The following LARGE1 variants were observed in gnomAD, a reference collection of about 807,000 sequenced individuals.
LARGE1 encodes LARGE xylosyl- and glucuronyltransferase 1, also known as xylosyl- and glucuronyltransferase LARGE1.
A neutral mutation model predicts 87.6 loss-of-function variants in LARGE1; 43 were observed. The ratio of observed to expected loss-of-function variants is 0.49; its 90% confidence interval spans 0.38 to 0.63. The LOEUF (loss-of-function observed/expected upper bound fraction) is 0.63. Ranked by LOEUF, LARGE1 falls within the 30% of genes least tolerant of loss-of-function variation. The pLI is 0.00. For synonymous variants in LARGE1, 434 were observed against 394.6 expected, an observed-to-expected ratio of 1.10 and a Z score of -1.18; for missense variants, 802 against 1,000.2, an observed-to-expected ratio of 0.80 and a Z score of 2.67.
intron 6 of LARGE1, among the ~76,000 whole-genome samples, chr22:33,520,520 C>T (rs111290194): frequency 6.6e-6 from 1 of 152,218 alleles, no homozygotes; most frequent in African/African-American, 2.4e-5. Context: ...CACAGCAGTG[C>T]TGAGCTGGGC....
chr22:33,518,560 C>T lies in LARGE1; in HGVS notation c.787+46288G>A, dbSNP rs1007695579. Among the ~76,000 whole-genome samples, 14 of 152,182 alleles carry T rather than the reference C, an allele frequency of 9.2e-5. No individual in the cohort carries two copies. The East Asian group carries it at 2.1e-3, about 23-fold the overall frequency. On this transcript the variant is annotated intron_variant, in intron 6 of 14. Transcript: ENST00000397394. The stretch of plus-strand genomic sequence containing the variant: ...CTGACCTCAGGTGTTGCGCTGGCCT[C>T]GGCCTCCCAAAAGGTTGGGATCACA...
chr22:33,389,743 G>A (rs1190269245), intron 7 of LARGE1, among the ~76,000 whole-genome samples: 1 of 152,124 alleles, frequency 6.6e-6, no homozygotes, highest in Non-Finnish European at 1.5e-5. Flanking sequence ...TACTTGGGAG[G>A]CTGAGGCAGG....
chr22:33,515,906 C>T (rs896172740), intron 6 of LARGE1, among the ~76,000 whole-genome samples: 5 of 152,278 alleles, frequency 3.3e-5, no homozygotes, highest in Non-Finnish European at 7.4e-5. Context: ...AAGAACACTC[C>T]CACCTGTGTA....
intron 6 of LARGE1, among the ~76,000 whole-genome samples, chr22:33,488,956 T>C (rs1222404897): frequency 1.3e-5 from 2 of 152,236 alleles, no homozygotes; most frequent in Admixed American, 1.3e-4. Flanking sequence ...GTCTTTGTCA[T>C]GACATATGAT....
At chr22:33,525,137 G>C (rs1018712627) in intron 6 of LARGE1, among the ~76,000 whole-genome samples, 1 of 152,184 alleles carries the variant, frequency 6.6e-6, no homozygotes, top group African/African-American at 2.4e-5. Context: ...TTAGGGCACG[G>C]AGGAAGGAGG....
chr22:33,831,138 C>T (rs1442865293), intron 1 of LARGE1, among the ~76,000 whole-genome samples: 1 of 146,370 alleles, frequency 6.8e-6, no homozygotes, highest in Non-Finnish European at 1.5e-5. Context: ...CGCTCTGTCG[C>T]CTAGCCTGGA....
intron 1 of LARGE1, among the ~76,000 whole-genome samples, chr22:33,863,769 G>GAA (rs397728698): frequency 5.7e-4 from 83 of 144,566 alleles, no homozygotes; most frequent in Non-Finnish European, 7.9e-4. Flanking sequence ...CTCTGTCTCA[G>GAA]AAAAAAAAAA....
At chr22:33,540,787 A>G (rs1398845072) in intron 6 of LARGE1, among the ~76,000 whole-genome samples, 1 of 151,996 alleles carries the variant, frequency 6.6e-6, no homozygotes, top group Admixed American at 6.6e-5. Context: ...TATAACTTAA[A>G]GGCAGTGTTG....
chr22:33,481,340 T>A (rs576605629), intron 6 of LARGE1, among the ~76,000 whole-genome samples: 27 of 152,264 alleles, frequency 1.8e-4, no homozygotes, highest in Admixed American at 7.2e-4. Context: ...GAGTTTTTTT[T>A]ATGTGTTAAA....
intron 6 of LARGE1, among the ~76,000 whole-genome samples, chr22:33,436,939 T>A (rs1459707758): frequency 6.6e-6 from 1 of 151,740 alleles, no homozygotes; most frequent in Non-Finnish European, 1.5e-5. Context: ...TTCACCTTTA[T>A]CAGTAAAATA....
chr22:33,634,931 A>G (rs963528566), intron 3 of LARGE1, among the ~76,000 whole-genome samples: 1 of 152,058 alleles, frequency 6.6e-6, no homozygotes, highest in Non-Finnish European at 1.5e-5. Context: ...AGCCTGGCCA[A>G]CATGGTGAAA....
the LARGE1 span, among the ~76,000 whole-genome samples, chr22:33,071,295 C>T: frequency 5.6e-4 from 85 of 152,278 alleles, 1 homozygote; most frequent in Admixed American, 1.6e-3. Context: ...TATGGGTTGC[C>T]TTTAAGAAAT....
chr22:33,072,944 T>C, the LARGE1 span, among the ~76,000 whole-genome samples: 3 of 152,198 alleles, frequency 2.0e-5, no homozygotes, highest in South Asian at 2.1e-4. Flanking sequence ...CACCTGTTAA[T>C]AATGCTCAGC....
In LARGE1 at chr22:33,494,166, C is replaced by A. The variant is rs117795350; in HGVS notation, c.788-61901G>T. On this transcript the variant is annotated intron_variant, in intron 6 of 14. Transcript: ENST00000397394. ...TGTATAAAGCTGTGCTGAGAGAAAG[C>A]TTTGCATATGGTCTTTGATGAGCTC... Among the ~76,000 whole-genome samples, 472 of 152,306 alleles carry A rather than the reference C, an allele frequency of 3.1e-3. 2 individuals carry two copies. Among genetic ancestry groups the A allele is most frequent in the African/African-American group, 8.1e-3 (335 of 41,574 alleles).
intron 6 of LARGE1, among the ~76,000 whole-genome samples, chr22:33,526,123 A>G (rs1419845323): frequency 2.6e-5 from 4 of 152,238 alleles, no homozygotes; most frequent in African/African-American, 9.6e-5. Context: ...CTACAGACAT[A>G]TGCTACAATA....
chr22:33,506,857 C>T (rs530505599), intron 6 of LARGE1, among the ~76,000 whole-genome samples: 22 of 152,248 alleles, frequency 1.4e-4, no homozygotes, highest in East Asian at 9.7e-4. Context: ...GCCGAGATCA[C>T]GCCATTGTAC....
At chr22:33,068,718 C>T in the LARGE1 span, among the ~76,000 whole-genome samples, 2 of 152,190 alleles carry the variant, frequency 1.3e-5, no homozygotes, top group Admixed American at 6.5e-5. Flanking sequence ...GTGGCCACTG[C>T]TCCCAGAGTG....
chr22:33,518,518 A>G (rs1212346944), intron 6 of LARGE1, among the ~76,000 whole-genome samples: 2 of 152,196 alleles, frequency 1.3e-5, no homozygotes, highest in African/African-American at 4.8e-5. Flanking sequence ...CATGTTGGCC[A>G]GGCTGATCTC....
chr22:33,502,709 C>T (rs2070526527), intron 6 of LARGE1, among the ~76,000 whole-genome samples: 1 of 152,054 alleles, frequency 6.6e-6, no homozygotes, highest in Non-Finnish European at 1.5e-5. Flanking sequence ...GCTGGGACTA[C>T]AGGCGCCTGC....
Sources: gnomAD v4.1 joint callset for allele counts (sites outside exome capture counted in the v4.1 genomes callset) on GRCh38, gnomAD v4.1.1 for gene constraint, MANE v1.5 for transcripts, NCBI Gene and HGNC (gene_info 2026-07-23, HGNC 2026-07-21) for gene names.